The following ANKRD31 variants were observed in gnomAD, a reference collection of about 807,000 sequenced individuals.
The protein encoded by ANKRD31 is ankyrin repeat domain-containing protein 31.
Under a neutral mutation model 186.0 loss-of-function variants are expected in ANKRD31, and 147 were observed. That is an observed-to-expected ratio of 0.79 (90% CI 0.69 to 0.91). The LOEUF is 0.91. ANKRD31 is among the 40% of genes least tolerant of loss of function. ANKRD31 has a pLI of 0.00. For missense variants in ANKRD31, 1,986 were observed against 2,148.8 expected, an observed-to-expected ratio of 0.92 and a Z score of 1.50; for synonymous variants, 673 against 736.4, an observed-to-expected ratio of 0.91 and a Z score of 1.39.
chr5:75,110,364 A>G (rs1178194031), intron 20 of ANKRD31, among the ~76,000 whole-genome samples: 2 of 152,112 alleles, frequency 1.3e-5, no homozygotes, highest in Non-Finnish European at 2.9e-5. Context: ...GCTCCACTTG[A>G]TGAATAAACA....
chr5:75,102,143 TTC>T (rs1461883410), intron 22 of ANKRD31, among the ~76,000 whole-genome samples: 1 of 152,238 alleles, frequency 6.6e-6, no homozygotes, highest in Non-Finnish European at 1.5e-5. Flanking sequence ...TTAGTTTTCC[TTC>T]TAACAGTCAG....
chr5:75,197,643 C>T (rs1331482714), intron 6 of ANKRD31, among the ~76,000 whole-genome samples: 1 of 152,144 alleles, frequency 6.6e-6, no homozygotes, highest in African/African-American at 2.4e-5. Context: ...AGATCCTACT[C>T]ACTCTCTAAG....
intron 5 of ANKRD31, among the ~76,000 whole-genome samples, chr5:75,201,174 T>TAAA (rs1173280703): frequency 6.6e-6 from 1 of 152,122 alleles, no homozygotes. Context: ...ATAATAATAA[T>TAAA]AAACCTGTTT....
chr5:75,210,426 A>G (rs1006544615), intron 4 of ANKRD31, among the ~76,000 whole-genome samples: 2 of 152,172 alleles, frequency 1.3e-5, no homozygotes, highest in Non-Finnish European at 2.9e-5. Flanking sequence ...TGCCTACCTT[A>G]GCCTCCCAGA....
rs375356487 is a variant in ANKRD31 at position 75,222,267 on chromosome 5, G to A, written c.270C>T (p.Ser90=). Residue 90 remains serine (S), a synonymous_variant, in exon 3 of 26, where the codon AGC becomes AGT. Coordinates refer to ENST00000506364, the MANE Select transcript of ANKRD31 (RefSeq NM_001372053.1). ...TACACACCTGTAATATTGTATCCTC[G>A]CTAAGAACAGGCATCATCTTATTTT... ...MNKNKMMPVL[S]EDTILQSQDE... The A allele has an allele frequency of 1.6e-4, 244 of 1,535,096 alleles. 1 individual carries two copies. In the East Asian group the frequency reaches 2.0e-3, roughly 12 times the overall value.
chr5:75,161,545 A>G (rs1752570541), intron 11 of ANKRD31, among the ~76,000 whole-genome samples: 1 of 152,214 alleles, frequency 6.6e-6, no homozygotes, highest in Admixed American at 6.5e-5. Flanking sequence ...TTTTCTGAGG[A>G]GAAATTCAAG....
chr5:75,223,260 T>C (rs1026787402), intron 2 of ANKRD31, among the ~76,000 whole-genome samples: 11 of 151,832 alleles, frequency 7.2e-5, no homozygotes, highest in Admixed American at 6.5e-4. Flanking sequence ...CTTTTATGTG[T>C]TAATATTTTT....
chr5:75,146,445 T>C lies in ANKRD31; in HGVS notation c.2966A>G (p.Tyr989Cys), dbSNP rs1350715960. The change falls in exon 14 of 26, where the codon TAT becomes TGT. Residue 989 changes from tyrosine (Y) to cysteine (C), a missense_variant. Tyr to Cys is a radical substitution (Grantham distance 194). Coordinates refer to ENST00000506364, the MANE Select transcript of ANKRD31 (RefSeq NM_001372053.1). ...AGAAGGTCCAAATATGCATTGTTCA[T>C]AATTTGCAACATGTTCAGAAATAAC... Reference protein sequence around the residue: ...NAVISEHVANYEQCIFGPSFD... With the variant: ...NAVISEHVANCEQCIFGPSFD... 5 of 1,536,340 alleles carry C rather than the reference T, an allele frequency of 3.3e-6. No homozygotes were observed. Among genetic ancestry groups the C allele is most frequent in the Non-Finnish European group, 3.5e-6 (4 of 1,146,468 alleles).
intron 10 of ANKRD31, among the ~76,000 whole-genome samples, chr5:75,169,917 T>G (rs780735996): frequency 3.3e-5 from 5 of 152,076 alleles, no homozygotes; most frequent in African/African-American, 7.2e-5. Flanking sequence ...ACTAAACATG[T>G]TTCCAGAAAC....
At chr5:75,136,473 C>T (rs973740131) in intron 17 of ANKRD31, among the ~76,000 whole-genome samples, 2 of 152,200 alleles carry the variant, frequency 1.3e-5, no homozygotes, top group African/African-American at 4.8e-5. Flanking sequence ...GTTACCATCT[C>T]ACACCAGTTA....
chr5:75,194,602 A>C (rs1402308943), intron 7 of ANKRD31, among the ~76,000 whole-genome samples: 1 of 152,142 alleles, frequency 6.6e-6, no homozygotes, highest in Non-Finnish European at 1.5e-5. Flanking sequence ...AAAAGAAAAG[A>C]AAGAAAACAA....
intron 1 of ANKRD31, 86 bp downstream of exon 1, chr5:75,236,497 C>T: frequency 9.1e-7 from 1 of 1,101,422 alleles, no homozygotes. Flanking sequence ...TGGTCACGAT[C>T]TCCACTCAAA....
chr5:75,219,306 T>C (rs1288901022), intron 3 of ANKRD31, among the ~76,000 whole-genome samples: 1 of 152,094 alleles, frequency 6.6e-6, no homozygotes, highest in Non-Finnish European at 1.5e-5. Context: ...GAACACAAAA[T>C]TGATGTACAA....
chr5:75,157,830 A>G (rs1210903386), intron 11 of ANKRD31, among the ~76,000 whole-genome samples: 1 of 152,198 alleles, frequency 6.6e-6, no homozygotes, highest in Non-Finnish European at 1.5e-5. Flanking sequence ...AAGAGAGAGA[A>G]TGAAATGAAG....
chr5:75,110,330 T>A (rs1368229517), intron 20 of ANKRD31, among the ~76,000 whole-genome samples: 4 of 151,378 alleles, frequency 2.6e-5, no homozygotes, highest in African/African-American at 9.7e-5. Context: ...AGAGAAGGAG[T>A]AAATAACTGT....
At chr5:75,126,537 C>G (rs76969488) in intron 17 of ANKRD31, among the ~76,000 whole-genome samples, 6,112 of 152,268 alleles carry the variant, frequency 0.04, 176 homozygotes, top group Non-Finnish European at 0.057. Context: ...AATAAAGCTG[C>G]TATCCACATT....
At chr5:75,100,191 A>G (rs1028083353) in intron 22 of ANKRD31, among the ~76,000 whole-genome samples, 14 of 152,186 alleles carry the variant, frequency 9.2e-5, no homozygotes, top group African/African-American at 3.4e-4. Flanking sequence ...CCCAGTAGTC[A>G]TTCAGGAGCA....
intron 1 of ANKRD31, among the ~76,000 whole-genome samples, chr5:75,235,176 C>T (rs1349506993): frequency 2.0e-5 from 3 of 146,890 alleles, no homozygotes; most frequent in African/African-American, 7.6e-5. Flanking sequence ...CCTAATTGCT[C>T]TTATTTATTT....
chr5:75,131,160 C>A (rs1160156425), intron 17 of ANKRD31, among the ~76,000 whole-genome samples: 1 of 152,154 alleles, frequency 6.6e-6, no homozygotes, highest in East Asian at 1.9e-4. Flanking sequence ...TGTGCCTCTC[C>A]CTCCACACCT....
Sources: gnomAD v4.1 joint callset for allele counts (sites outside exome capture counted in the v4.1 genomes callset) on GRCh38, gnomAD v4.1.1 for gene constraint, MANE v1.5 for transcripts, NCBI Gene and HGNC (gene_info 2026-07-23, HGNC 2026-07-21) for gene names.